The following ERC1 variants were observed in gnomAD, a reference collection of about 807,000 sequenced individuals.
ERC1 encodes RAB6 interacting protein 2.
ERC1 carries 56 observed loss-of-function variants against 132.0 expected under a neutral mutation model. The ratio of observed to expected loss-of-function variants is 0.42; its 90% CI spans 0.34 to 0.53. The LOEUF (loss-of-function observed/expected upper bound fraction) is 0.53, where lower values mean the gene tolerates loss of function less well. ERC1 is among the 20% of genes least tolerant of loss of function. ERC1 has a pLI of 0.03. For missense variants in ERC1, 1,202 were observed against 1,349.9 expected (o/e 0.89, Z 1.72); for synonymous variants, 478 against 476.1 (o/e 1.00, Z -0.05).
At chr12:1,288,761 T>C in intron 14 of ERC1, among the ~76,000 whole-genome samples, 1 of 152,194 alleles carries the variant, frequency 6.6e-6, no homozygotes, top group Non-Finnish European at 1.5e-5. Context: ...AGACTGGTTA[T>C]TACCAAGATT....
At chr12:1,219,649 CT>C (rs1958781824) in intron 12 of ERC1, among the ~76,000 whole-genome samples, 1 of 89,840 alleles carries the variant, frequency 1.1e-5, no homozygotes, top group South Asian at 3.6e-4. Flanking sequence ...TTTTTTTTTT[CT>C]TTTTTGAGAC....
At chr12:1,411,965 G>A (rs549159305) in intron 17 of ERC1, among the ~76,000 whole-genome samples, 7 of 152,254 alleles carry the variant, frequency 4.6e-5, no homozygotes, top group African/African-American at 1.7e-4. Context: ...ACCAAAATAG[G>A]ATAACTTAGC....
In ERC1 at chr12:1,090,863, GTTGTTA is replaced by G. The variant is rs1262417383; in HGVS notation, c.1086+7286_1086+7291del. On this transcript the variant is annotated intron_variant, in intron 3 of 18. Coordinates refer to ENST00000360905, the MANE Select transcript of ERC1 (RefSeq NM_178040.4). ...TATTATTATTGTTGTTGTTGTTGTT[GTTGTTA>G]TTATTATTATTATTATTATTATTAT... Among the ~76,000 whole-genome samples, 34 of 44,622 alleles carry G rather than the reference GTTGTTA, an allele frequency of 7.6e-4. 10 individuals are homozygous for G. Among genetic ancestry groups the G allele is most frequent in the African/African-American group, 2.5e-3 (30 of 12,036 alleles). 29.3% of individuals were successfully genotyped at this position (44,622 alleles called of 152,430 possible).
At chr12:1,032,325 A>C (rs570833765) in intron 2 of ERC1, among the ~76,000 whole-genome samples, 1 of 152,324 alleles carries the variant, frequency 6.6e-6, no homozygotes, top group Admixed American at 6.5e-5. Flanking sequence ...CTGGGATTAT[A>C]GGCAGGAGCC....
chr12:1,215,213 A>G (rs915792756), intron 12 of ERC1, among the ~76,000 whole-genome samples: 10 of 152,210 alleles, frequency 6.6e-5, no homozygotes, highest in African/African-American at 2.4e-4. Context: ...TCATGGGCCA[A>G]TGAGAAAAGA....
chr12:1,375,407 T>C (rs2087766174), intron 16 of ERC1, among the ~76,000 whole-genome samples: 1 of 152,126 alleles, frequency 6.6e-6, no homozygotes, highest in Non-Finnish European at 1.5e-5. Flanking sequence ...CCCTGACACA[T>C]GGGGATTACA....
At chr12:1,019,938 A>G (rs1966088934) in intron 1 of ERC1, among the ~76,000 whole-genome samples, 1 of 151,356 alleles carries the variant, frequency 6.6e-6, no homozygotes, top group African/African-American at 2.4e-5. Flanking sequence ...TTTTTTTTGC[A>G]GAGATAGGAT....
rs1555236298 is a variant in ERC1 at position 1,093,981 on chromosome 12, A to ATATATATATATATATATATATATT, written c.1086+10405_1086+10406insTATATATATATATATATATTTATA. On this transcript the variant is annotated intron_variant, in intron 3 of 18. Coordinates refer to ENST00000360905, the MANE Select transcript of ERC1 (RefSeq NM_178040.4). ...TCTATATATATATATATATATATAT[A>ATATATATATATATATATATATATT]TATAGAAAAACATAGAAAATGAATA... Among the ~76,000 whole-genome samples, 114 of 131,976 alleles carry ATATATATATATATATATATATATT rather than the reference A, an allele frequency of 8.6e-4. 1 individual carries two copies. Among genetic ancestry groups the ATATATATATATATATATATATATT allele is most frequent in the African/African-American group, 2.8e-3 (104 of 36,808 alleles). The allele number at this position is 131,976 out of a possible 152,430, so 86.6% of individuals were successfully genotyped here.
chr12:1,237,926 A>G (rs932095163), intron 13 of ERC1, among the ~76,000 whole-genome samples: 10 of 152,220 alleles, frequency 6.6e-5, no homozygotes, highest in Non-Finnish European at 1.0e-4. Flanking sequence ...AGGGTTTACT[A>G]TGTAGAAGCC....
chr12:1,221,334 A>T (rs1255952240), intron 12 of ERC1, among the ~76,000 whole-genome samples: 1 of 152,202 alleles, frequency 6.6e-6, no homozygotes, highest in Non-Finnish European at 1.5e-5. Flanking sequence ...AGATCTATGG[A>T]GTTGTATAAA....
At chr12:1,009,381 A>G (rs1461342785) in intron 1 of ERC1, among the ~76,000 whole-genome samples, 3 of 152,030 alleles carry the variant, frequency 2.0e-5, no homozygotes, top group Non-Finnish European at 1.5e-5. Flanking sequence ...TCACCGTGTT[A>G]GCCAGGATGG....
At chr12:1,053,722 TTAAC>T (rs1283728078) in intron 2 of ERC1, among the ~76,000 whole-genome samples, 7 of 152,242 alleles carry the variant, frequency 4.6e-5, no homozygotes, top group African/African-American at 1.7e-4. Flanking sequence ...TCTTCACTCA[TTAAC>T]TAAACTTTAA....
At chr12:1,193,418 A>G (rs901502159) in intron 12 of ERC1, among the ~76,000 whole-genome samples, 2 of 149,478 alleles carry the variant, frequency 1.3e-5, no homozygotes, top group Non-Finnish European at 3.0e-5. Flanking sequence ...AGTGAGAAGC[A>G]GAATTAGTAG....
chr12:1,035,931 A>G (rs955878141), intron 2 of ERC1, among the ~76,000 whole-genome samples: 1 of 150,496 alleles, frequency 6.6e-6, no homozygotes, highest in African/African-American at 2.5e-5. Context: ...CAGAAAAAAA[A>G]AAATACTTTG....
chr12:1,151,049 A>G (rs1326904262), intron 8 of ERC1, among the ~76,000 whole-genome samples: 3 of 152,224 alleles, frequency 2.0e-5, no homozygotes, highest in African/African-American at 7.2e-5. Flanking sequence ...AACTCTCTGT[A>G]TCACCTTCTC....
intron 15 of ERC1, among the ~76,000 whole-genome samples, chr12:1,304,112 A>G (rs942769542): frequency 1.3e-5 from 2 of 151,928 alleles, no homozygotes; most frequent in African/African-American, 2.4e-5. Flanking sequence ...GGGAGTTGGG[A>G]GAGAGGTATT....
At chr12:1,328,740 G>A (rs985239278) in intron 15 of ERC1, among the ~76,000 whole-genome samples, 19 of 151,358 alleles carry the variant, frequency 1.3e-4, no homozygotes, top group African/African-American at 2.7e-4. Context: ...CTTTCTCTGC[G>A]TTTGCTTTGA....
intron 17 of ERC1, among the ~76,000 whole-genome samples, 181 bp downstream of exon 17, chr12:1,408,428 A>AT (rs35379807): frequency 0.26 from 39,999 of 152,102 alleles, 9,318 homozygotes; most frequent in African/African-American, 0.63. Context: ...TTATAGGAAG[A>AT]ACTGGATATT....
At chr12:1,196,806 T>TTCTC (rs755412381) in intron 12 of ERC1, among the ~76,000 whole-genome samples, 3,457 of 90,302 alleles carry the variant, frequency 0.038, 328 homozygotes, top group African/African-American at 0.069. Context: ...CGCACGCTAT[T>TTCTC]TCTCTCTCTC....
Sources: gnomAD v4.1 joint callset for allele counts (sites outside exome capture counted in the v4.1 genomes callset) on GRCh38, gnomAD v4.1.1 for gene constraint, MANE v1.5 for transcripts, NCBI Gene and HGNC (gene_info 2026-07-23, HGNC 2026-07-21) for gene names.